The following ACOX1 variants were observed in gnomAD, a reference collection of about 807,000 sequenced individuals.
The protein encoded by ACOX1 is acyl-CoA oxidase 1.
A neutral mutation model predicts 75.5 loss-of-function variants in ACOX1; 41 were observed. That is an observed-to-expected ratio of 0.54 (90% CI 0.42 to 0.70). The LOEUF is 0.70. Ranked by LOEUF, ACOX1 falls within the 30% of genes least tolerant of loss-of-function variation. The pLI is 0.00. For missense variants in ACOX1, 630 were observed against 837.5 expected (o/e 0.75, Z 3.06); for synonymous variants, 303 against 298.8 (o/e 1.01, Z -0.15).
At chr17:75,952,363 C>T (rs1387450347) in intron 7 of ACOX1, among the ~76,000 whole-genome samples, 2 of 151,740 alleles carry the variant, frequency 1.3e-5, no homozygotes, top group East Asian at 3.9e-4. Context: ...GTTGTGATTT[C>T]GGCTCACTAC....
chr17:75,959,631 T>A (rs1290688850), intron 3 of ACOX1, among the ~76,000 whole-genome samples: 1 of 152,038 alleles, frequency 6.6e-6, no homozygotes, highest in Non-Finnish European at 1.5e-5. Context: ...CAATGAAAGG[T>A]GGAGATACAG....
In ACOX1 at chr17:75,949,106, C is replaced by T. The variant is rs771610315; in HGVS notation, c.1728+111G>A. On this transcript the variant is annotated intron_variant, in intron 12 of 13. Coordinates refer to ENST00000293217, the MANE Select transcript of ACOX1 (RefSeq NM_004035.7). ...CCTGACCTCAAGTGATCACCGTACC[C>T]GCCTTGGGCTCCCAAAGTGCTGGGA... 598 of 1,282,050 alleles carry T rather than the reference C, an allele frequency of 4.7e-4. 4 individuals carry two copies. The highest frequency in any genetic ancestry group is 9.7e-4 in the Middle Eastern group (4 of 4,104). 79.4% of individuals were successfully genotyped at this position (1,282,050 alleles called of 1,614,324 possible). A position where few individuals can be genotyped will look rare whatever the true frequency, so the allele number is the denominator to read the frequency against.
intron 2 of ACOX1, among the ~76,000 whole-genome samples, chr17:75,962,823 C>T (rs997214426): frequency 6.6e-5 from 10 of 152,146 alleles, no homozygotes; most frequent in Non-Finnish European, 1.2e-4. Context: ...AAAACATGGA[C>T]ATGCAGAATG....
chr17:75,961,987 T>C (rs1248144606), intron 2 of ACOX1, among the ~76,000 whole-genome samples: 1 of 152,088 alleles, frequency 6.6e-6, no homozygotes, highest in Non-Finnish European at 1.5e-5. Context: ...CAGATTATAG[T>C]TTTTCCTCGA....
intron 2 of ACOX1, among the ~76,000 whole-genome samples, chr17:75,962,523 G>A (rs1351789460): frequency 2.0e-5 from 3 of 152,092 alleles, no homozygotes; most frequent in Non-Finnish European, 4.4e-5. Flanking sequence ...GAGCATAAAT[G>A]ACAGTTCAGT....
chr17:75,976,626 T>G (rs1398526094), intron 2 of ACOX1, among the ~76,000 whole-genome samples: 1 of 152,120 alleles, frequency 6.6e-6, no homozygotes, highest in Non-Finnish European at 1.5e-5. Flanking sequence ...CAAAAATAAA[T>G]AAACAAAATT....
chr17:75,957,580 T>C lies in ACOX1; in HGVS notation c.431-14A>G. On this transcript the variant is annotated splice_polypyrimidine_tract_variant and intron_variant, in intron 3 of 13. Transcript: ENST00000293217. ...GAAGGTGAGTTCCTAAGGAGATAAA[T>C]TACATTGACTTCAGTTAAGAGATGG... 1 of 1,601,176 alleles carries C rather than the reference T, an allele frequency of 6.2e-7. No individual in the cohort carries two copies. The highest frequency in any genetic ancestry group is 8.6e-7 in the Non-Finnish European group (1 of 1,168,398).
chr17:75,959,664 A>C (rs2065870554), intron 3 of ACOX1, among the ~76,000 whole-genome samples: 1 of 152,188 alleles, frequency 6.6e-6, no homozygotes, highest in Non-Finnish European at 1.5e-5. Flanking sequence ...AATGCCTGCA[A>C]GTTCGGCTTA....
In ACOX1 at chr17:75,951,463, G is replaced by T. The variant is rs368927500; in HGVS notation, c.1059C>A (p.His353Gln). 6.2e-7 allele frequency: 1 copy of T among 1,614,140 alleles called. No individual in the cohort carries two copies. Among genetic ancestry groups the T allele is most frequent in the Admixed American group, 1.7e-5 (1 of 60,006 alleles). ...FVGAYMKETY[H>Q]RINEGIGQGD... ...CTTGACCAATGCCTTCGTTAATCCG[G>T]TGATAGGTCTCCTTCATGTATGCGC... Residue 353 changes from histidine to glutamine, a missense_variant, in exon 8 of 14, where the codon CAC becomes CAA. Coordinates refer to ENST00000293217, the MANE Select transcript of ACOX1 (RefSeq NM_004035.7).
chr17:75,958,676 TGG>T (rs2065859948), intron 3 of ACOX1, among the ~76,000 whole-genome samples: 1 of 151,066 alleles, frequency 6.6e-6, no homozygotes, highest in Admixed American at 6.6e-5. Flanking sequence ...GGCATGGTGG[TGG>T]GTGCCTGTAG....
chr17:75,945,469 TTA>T lies in ACOX1; in HGVS notation c.*1277_*1278del, dbSNP rs2065711311. The T allele has an allele frequency of 1.3e-5, 2 of 152,122 alleles. No individual in the cohort carries two copies. The highest frequency in any genetic ancestry group is 4.8e-5 in the African/African-American group (2 of 41,340). The allele number at this position is 152,122 out of a possible 1,614,324, so 9.4% of individuals were successfully genotyped here. A position where few individuals can be genotyped will look rare whatever the true frequency, so the allele number is the denominator to read the frequency against. On this transcript the variant is annotated 3_prime_UTR_variant, in exon 14 of 14. Transcript: ENST00000293217. The stretch of plus-strand genomic sequence containing the variant: ...ATTATGTCAGGTCCCAAGATAGGAG[TTA>T]TGTTTCCATGGAATTAAGCCATATT...
In ACOX1 at chr17:75,971,166, C is replaced by T. The variant is rs185985864; in HGVS notation, c.269+7368G>A. On this transcript the variant is annotated intron_variant, in intron 2 of 13. Transcript: ENST00000293217. ...ATTAGCCGGGCATGGTGGCACACGC[C>T]TCTAATCCCAGCTACTAGGGAGGGA... Among the ~76,000 whole-genome samples the T allele has an allele frequency of 3.7e-4, 56 of 152,192 alleles. No individual in the cohort carries two copies. In the East Asian group the frequency reaches 5.0e-3, roughly 14 times the overall value.
intron 6 of ACOX1, among the ~76,000 whole-genome samples, chr17:75,954,391 C>T (rs1441112061): frequency 8.8e-5 from 13 of 148,526 alleles, no homozygotes; most frequent in African/African-American, 2.0e-4. Context: ...GGTGTGGTGG[C>T]GCATGCCTGT....
chr17:75,965,658 C>T (rs547993155), intron 2 of ACOX1, among the ~76,000 whole-genome samples: 1 of 151,334 alleles, frequency 6.6e-6, no homozygotes, highest in East Asian at 1.9e-4. Flanking sequence ...ACAGCAAGAT[C>T]CTATCTCTAC....
chr17:75,948,175 C>T, intron 13 of ACOX1, 76 bp downstream of exon 13: 3 of 1,453,586 alleles, frequency 2.1e-6, no homozygotes, highest in Non-Finnish European at 9.6e-7. Flanking sequence ...ACAGATAAAT[C>T]CCCTTCGAGA....
rs2065750593 is a variant in ACOX1, at chr17:75,949,229, C to G, written c.1716G>C (p.Gly572=). ...YSLYGISQNA[G]DFLQGSIMTE... ...AGAAAATACTGACCTGAAGGAAATC[C>G]CCCGCGTTCTGACTGATTCCATACA... The change falls in exon 12 of 14, where the codon GGG becomes GGC. Residue 572 remains glycine, a synonymous_variant. Coordinates refer to ENST00000293217, the MANE Select transcript of ACOX1 (RefSeq NM_004035.7). 1 of 1,614,154 alleles carries G rather than the reference C, an allele frequency of 6.2e-7. No individual in the cohort carries two copies. Among genetic ancestry groups the G allele is most frequent in the Non-Finnish European group, 8.5e-7 (1 of 1,180,034 alleles).
intron 8 of ACOX1, 89 bp from the exon 9 acceptor site, chr17:75,951,053 TG>T (rs2065770034): frequency 7.3e-7 from 1 of 1,367,702 alleles, no homozygotes; most frequent in Admixed American, 2.0e-5. Context: ...TCTAACATCT[TG>T]GCCACTGTCA....
intron 4 of ACOX1, among the ~76,000 whole-genome samples, chr17:75,956,625 T>G (rs1376115324): frequency 1.3e-5 from 2 of 150,918 alleles, no homozygotes; most frequent in Non-Finnish European, 2.9e-5. Context: ...AAGGTGGAGG[T>G]TGCAGTGAGC....
At chr17:75,969,591 A>G (rs556248953) in intron 2 of ACOX1, among the ~76,000 whole-genome samples, 1 of 152,302 alleles carries the variant, frequency 6.6e-6, no homozygotes, top group African/African-American at 2.4e-5. Context: ...CAGAGGGAAG[A>G]GGAGACTGTT....
Sources: gnomAD v4.1 joint callset for allele counts (sites outside exome capture counted in the v4.1 genomes callset) on GRCh38, gnomAD v4.1.1 for gene constraint, MANE v1.5 for transcripts, NCBI Gene and HGNC (gene_info 2026-07-23, HGNC 2026-07-21) for gene names.